PTPRM: variants seen among roughly 807,000 people sequenced by gnomAD.
PTPRM encodes receptor-type tyrosine-protein phosphatase mu.
A neutral mutation model predicts 186.7 loss-of-function variants in PTPRM; 47 were observed. The observed-to-expected ratio is 0.25, with a 90% CI of 0.20 to 0.32. The LOEUF (loss-of-function observed/expected upper bound fraction) is 0.32, where lower values mean the gene tolerates loss of function less well. Ranked by LOEUF, PTPRM falls within the 10% of genes least tolerant of loss-of-function variation. The pLI is 1.00. For missense variants in PTPRM, 1,494 were observed against 1,865.0 expected, an observed-to-expected ratio of 0.80 and a Z score of 3.66; for synonymous variants, 668 against 674.9, an observed-to-expected ratio of 0.99 and a Z score of 0.16.
chr18:8,386,347 G>A (rs1468202395), intron 30 of PTPRM, among the ~76,000 whole-genome samples: 1 of 152,130 alleles, frequency 6.6e-6, no homozygotes, highest in East Asian at 1.9e-4. Context: ...GGGGGCTTCT[G>A]TCAGCAAGAG....
intron 1 of PTPRM, among the ~76,000 whole-genome samples, chr18:7,656,606 G>T (rs1011714963): frequency 6.6e-6 from 1 of 152,124 alleles, no homozygotes; most frequent in African/African-American, 2.4e-5. Context: ...TGCCAGAAAA[G>T]TTCAGTGGTT....
In PTPRM at chr18:7,973,457, G is replaced by GT. The variant is rs1202717014; in HGVS notation, c.1132+18047dup. Among the ~76,000 whole-genome samples, 8 of 152,154 alleles carry GT rather than the reference G, an allele frequency of 5.3e-5. No individual in the cohort carries two copies. In the East Asian group the frequency reaches 1.2e-3, roughly 22 times the overall value. Reference sequence around the variant, plus strand: ...ATTGGTTTTTAAATTATATGTTCTTGTTTTAATTCGCATTTCCTCTTTTCC... The same window carrying GT: ...ATTGGTTTTTAAATTATATGTTCTTGTTTTTAATTCGCATTTCCTCTTTTCC... On this transcript the variant is annotated intron_variant, in intron 7 of 32. Transcript: ENST00000580170.
At chr18:8,296,869 G>T (rs2095102505) in intron 20 of PTPRM, among the ~76,000 whole-genome samples, 2 of 152,144 alleles carry the variant, frequency 1.3e-5, no homozygotes, top group Admixed American at 6.5e-5. Flanking sequence ...CACTGGGTTA[G>T]GTAGGTCAGT....
intron 19 of PTPRM, among the ~76,000 whole-genome samples, chr18:8,292,611 G>GT (rs1372383709): frequency 6.6e-6 from 1 of 152,078 alleles, no homozygotes; most frequent in Non-Finnish European, 1.5e-5. Flanking sequence ...ATTTTGTTTT[G>GT]TTTTTTAAAA....
At chr18:8,387,773 C>T (rs1327730436) in intron 31 of PTPRM, among the ~76,000 whole-genome samples, 3 of 149,100 alleles carry the variant, frequency 2.0e-5, no homozygotes, top group Non-Finnish European at 4.5e-5. Context: ...TGTGCGCGCG[C>T]GTGCATGCTT....
chr18:8,289,473 C>CATTTATGTATATATATACATATATGTAT (rs2095001282), intron 19 of PTPRM, among the ~76,000 whole-genome samples: 1 of 112,610 alleles, frequency 8.9e-6, no homozygotes, highest in African/African-American at 4.0e-5. Context: ...TATATACACA[C>CATTTATGTATATATATACATATATGTAT]ATATGTATAT....
intron 22 of PTPRM, among the ~76,000 whole-genome samples, chr18:8,325,114 C>G (rs893931527): frequency 6.6e-6 from 1 of 152,188 alleles, no homozygotes; most frequent in African/African-American, 2.4e-5. Flanking sequence ...CATCTCTGTG[C>G]TCATCATAAA....
rs1051439618 is a variant in PTPRM at position 7,754,022 on chromosome 18, C to G, written c.74-20127C>G. ...TGCTGGAAGCCTACCCCATACATCT[C>G]TATGGGTGCAGTATTCCTTTTTATT... On this transcript the variant is annotated intron_variant, in intron 1 of 32. Coordinates refer to ENST00000580170, the MANE Select transcript of PTPRM (RefSeq NM_001105244.2). Among the ~76,000 whole-genome samples, 6 of 152,280 alleles carry G rather than the reference C, an allele frequency of 3.9e-5. No individual in the cohort carries two copies. In the East Asian group the frequency reaches 1.2e-3, roughly 29 times the overall value.
intron 2 of PTPRM, among the ~76,000 whole-genome samples, chr18:7,803,966 C>T (rs1052490699): frequency 1.3e-5 from 2 of 152,150 alleles, no homozygotes; most frequent in African/African-American, 4.8e-5. Context: ...AATTTGATTA[C>T]AGGCTGTTCA....
chr18:8,155,664 C>T (rs1192025257), intron 14 of PTPRM, among the ~76,000 whole-genome samples: 1 of 152,112 alleles, frequency 6.6e-6, no homozygotes, highest in Non-Finnish European at 1.5e-5. Context: ...CTGAAGACAA[C>T]ATGAAACAAA....
chr18:7,933,623 G>A (rs1472332668), intron 5 of PTPRM, among the ~76,000 whole-genome samples: 2 of 152,194 alleles, frequency 1.3e-5, no homozygotes, highest in Non-Finnish European at 2.9e-5. Context: ...ATAGCAAAAT[G>A]CTCAGTGAAT....
At chr18:8,289,514 G>GTATATATATACATATATATACACACA (rs2095004661) in intron 19 of PTPRM, among the ~76,000 whole-genome samples, 4 of 89,804 alleles carry the variant, frequency 4.5e-5, no homozygotes, top group Non-Finnish European at 6.6e-5. Flanking sequence ...GTGTGTGTAT[G>GTATATATATACATATATATACACACA]TATATATATA....
At chr18:8,392,462 A>C (rs2148585987) in intron 31 of PTPRM, among the ~76,000 whole-genome samples, 1 of 151,952 alleles carries the variant, frequency 6.6e-6, no homozygotes, top group East Asian at 1.9e-4. Context: ...ATCTCTACTA[A>C]AAAAATACAA....
intron 7 of PTPRM, among the ~76,000 whole-genome samples, chr18:8,006,264 C>T (rs1390862806): frequency 6.6e-6 from 1 of 152,158 alleles, no homozygotes; most frequent in African/African-American, 2.4e-5. Flanking sequence ...GAAGACATCT[C>T]AGTGAAATTT....
chr18:8,222,061 G>C (rs1334841810), intron 14 of PTPRM, among the ~76,000 whole-genome samples: 1 of 152,208 alleles, frequency 6.6e-6, no homozygotes, highest in Non-Finnish European at 1.5e-5. Flanking sequence ...TTGGGAGGCT[G>C]CCCAATTCAA....
intron 9 of PTPRM, among the ~76,000 whole-genome samples, chr18:8,077,352 T>C (rs1051228478): frequency 3.3e-5 from 5 of 152,142 alleles, no homozygotes; most frequent in Non-Finnish European, 7.3e-5. Context: ...CAAAAGCCTG[T>C]AAAGATGAGC....
intron 7 of PTPRM, among the ~76,000 whole-genome samples, chr18:7,996,913 A>C (rs568680798): frequency 6.6e-6 from 1 of 152,290 alleles, no homozygotes; most frequent in South Asian, 2.1e-4. Context: ...AAGATATTAC[A>C]TGTGTATGGA....
intron 7 of PTPRM, among the ~76,000 whole-genome samples, chr18:8,024,248 T>C (rs943359745): frequency 1.3e-5 from 2 of 152,236 alleles, no homozygotes; most frequent in African/African-American, 4.8e-5. Flanking sequence ...TAGTTGATTT[T>C]TTTTTCCTTT....
intron 19 of PTPRM, among the ~76,000 whole-genome samples, chr18:8,292,822 T>C (rs2095056219): frequency 6.6e-6 from 1 of 152,218 alleles, no homozygotes; most frequent in Admixed American, 6.5e-5. Flanking sequence ...GTTGTAAACA[T>C]TCTTTCAGAG....
Sources: allele counts gnomAD v4.1 joint callset (sites outside exome capture counted in the v4.1 genomes callset), GRCh38; gene constraint gnomAD v4.1.1; transcripts MANE v1.5; gene names NCBI Gene and HGNC (gene_info 2026-07-23, HGNC 2026-07-21).